The following CPVL variants were observed in gnomAD, a reference collection of about 807,000 sequenced individuals.
The protein encoded by CPVL is carboxypeptidase vitellogenic like, also known as probable serine carboxypeptidase CPVL.
A neutral mutation model predicts 63.7 loss-of-function variants in CPVL; 51 were observed. The ratio of observed to expected loss-of-function variants is 0.80; its 90% confidence interval spans 0.64 to 1.01. The LOEUF is 1.01. CPVL is among the 50% of genes least tolerant of loss of function. The pLI, the probability that CPVL is intolerant of heterozygous loss-of-function variation, is 0.00. For synonymous variants in CPVL, 195 were observed against 206.0 expected (o/e 0.95, Z 0.46); for missense variants, 530 against 573.1 (o/e 0.92, Z 0.77).
chr7:29,056,949 CT>C lies in CPVL; in HGVS notation c.1137+7111del, dbSNP rs70977101. Among the ~76,000 whole-genome samples, 1,105 of 118,026 alleles carry C rather than the reference CT, an allele frequency of 9.4e-3. 13 individuals carry two copies. The highest frequency in any genetic ancestry group is 0.029 in the African/African-American group (936 of 32,044). The allele number at this position is 118,026 out of a possible 152,430, so 77.4% of individuals were successfully genotyped here. A position where few individuals can be genotyped will look rare whatever the true frequency, so the allele number is the denominator to read the frequency against. ...ATGATGTTGAACATCTTTTCCTTTT[CT>C]TTTTTTTTTTTTTTTTTTGAGACAG... On this transcript the variant is annotated intron_variant, in intron 11 of 12. Coordinates refer to ENST00000265394, the MANE Select transcript of CPVL (RefSeq NM_031311.5).
chr7:29,095,126 G>T lies in CPVL; in HGVS notation c.420C>A (p.Phe140Leu). The T allele has an allele frequency of 6.2e-6, 10 of 1,613,940 alleles. No individual in the cohort carries two copies. The highest frequency in any genetic ancestry group is 8.5e-6 in the Non-Finnish European group (10 of 1,179,862). Residue 140 changes from phenylalanine to leucine, a missense_variant, in exon 5 of 13, where the codon TTC becomes TTA. Transcript: ENST00000265394. ...TSNMTLRDRD[F>L]PWTTTLSMLY... ...GCATGGAGAGCGTTGTGGTCCAGGG[G>T]AAGTCTCTGTCACGCACTGTGAAAA...
At chr7:29,035,892 C>T (rs1407686645) in intron 11 of CPVL, among the ~76,000 whole-genome samples, 2 of 152,190 alleles carry the variant, frequency 1.3e-5, no homozygotes, top group African/African-American at 4.8e-5. Context: ...AGGATAAGCA[C>T]ATTACCTAAG....
chr7:29,064,256 A>G, intron 10 of CPVL, 22 bp from the exon 11 acceptor site: 2 of 1,511,912 alleles, frequency 1.3e-6, no homozygotes, highest in South Asian at 1.1e-5. Flanking sequence ...GGCATTGGAA[A>G]GACATAGGGA....
chr7:29,172,830 G>A (rs1435248918), intron 5 of CPVL, among the ~76,000 whole-genome samples: 3 of 151,942 alleles, frequency 2.0e-5, no homozygotes, highest in African/African-American at 7.3e-5. Context: ...ATCTGGAGAA[G>A]CTTTTCTGCC....
rs1437692029 is a variant in CPVL at position 29,064,075 on chromosome 7, T to C, written c.1123A>G (p.Met375Val). Residue 375 changes from methionine (M) to valine (V), a missense_variant, in exon 11 of 13, where the codon ATG (methionine) becomes GTG (valine). Physicochemically the swap from Met to Val is conservative, Grantham distance 21. Coordinates refer to ENST00000265394, the MANE Select transcript of CPVL (RefSeq NM_031311.5). ...AGCTCTCTTACCTTATAATTATTCA[T>C]GATTTCAGTTAACCATGGCTTAACT... is the stretch of plus-strand genomic sequence containing the variant. ...QSVKPWLTEI[M>V]NNYKVLIYNG... 2 of 1,611,284 alleles carry C rather than the reference T, an allele frequency of 1.2e-6. No individual in the cohort carries two copies. Among genetic ancestry groups the C allele is most frequent in the African/African-American group, 1.3e-5 (1 of 74,958 alleles).
At chr7:29,080,704 C>T (rs1023009644) in intron 7 of CPVL, among the ~76,000 whole-genome samples, 41 of 152,058 alleles carry the variant, frequency 2.7e-4, no homozygotes, top group African/African-American at 8.5e-4. Flanking sequence ...ACAAACATGG[C>T]TCTCGCATAC....
chr7:29,168,539 A>G (rs1373118764), intron 5 of CPVL, among the ~76,000 whole-genome samples: 2 of 152,200 alleles, frequency 1.3e-5, no homozygotes, highest in Non-Finnish European at 2.9e-5. Context: ...AGAAAATGCC[A>G]GACATCCTAT....
chr7:29,184,243 T>G (rs1249816796), intron 4 of CPVL, among the ~76,000 whole-genome samples: 1 of 150,718 alleles, frequency 6.6e-6, no homozygotes, highest in Non-Finnish European at 1.5e-5. Context: ...GATATACATA[T>G]ACAATCTATA....
At chr7:29,022,116 C>G (rs1376828471) in intron 12 of CPVL, among the ~76,000 whole-genome samples, 2 of 152,168 alleles carry the variant, frequency 1.3e-5, no homozygotes, top group African/African-American at 4.8e-5. Flanking sequence ...AGCAGGGTGG[C>G]TGCACACCTG....
At chr7:29,044,794 G>C (rs1789457677) in intron 11 of CPVL, among the ~76,000 whole-genome samples, 1 of 152,152 alleles carries the variant, frequency 6.6e-6, no homozygotes, top group Non-Finnish European at 1.5e-5. Flanking sequence ...CATAGCAACT[G>C]AATTTAAATA....
At chr7:29,081,999 T>G (rs1010980986) in intron 7 of CPVL, among the ~76,000 whole-genome samples, 1 of 152,218 alleles carries the variant, frequency 6.6e-6, no homozygotes, top group Admixed American at 6.5e-5. Context: ...TGCATTTACA[T>G]TGAAAAGCAG....
chr7:29,152,812 A>G (rs1435340759), intron 5 of CPVL, among the ~76,000 whole-genome samples: 1 of 152,234 alleles, frequency 6.6e-6, no homozygotes, highest in Non-Finnish European at 1.5e-5. Flanking sequence ...ACAGGCAAGC[A>G]AAACAAAATA....
chr7:29,086,340 A>C (rs1785200589), intron 7 of CPVL, 144 bp downstream of exon 7: 1 of 511,592 alleles, frequency 2.0e-6, no homozygotes, highest in South Asian at 3.3e-5. Context: ...AATTGGGAGA[A>C]TTTTGAATAA....
At chr7:29,164,448 A>G (rs1333637318) in intron 5 of CPVL, among the ~76,000 whole-genome samples, 2 of 151,898 alleles carry the variant, frequency 1.3e-5, no homozygotes, top group African/African-American at 2.4e-5. Flanking sequence ...TTGCCTTTTC[A>G]TTTCCTCTTT....
chr7:29,030,085 C>G (rs1312344738), intron 12 of CPVL, among the ~76,000 whole-genome samples: 1 of 152,126 alleles, frequency 6.6e-6, no homozygotes, highest in African/African-American at 2.4e-5. Flanking sequence ...AACCATGATT[C>G]CAACACTTGA....
intron 4 of CPVL, chr7:29,184,296 A>G (rs540838870): frequency 6.6e-6 from 1 of 151,150 alleles, no homozygotes; most frequent in South Asian, 2.1e-4. Flanking sequence ...ATATTTAGGA[A>G]TATTATATAT....
intron 3 of CPVL, among the ~76,000 whole-genome samples, chr7:29,102,427 TG>T (rs112701019): frequency 0.051 from 7,717 of 152,156 alleles, 224 homozygotes; most frequent in East Asian, 0.14. Context: ...AGAAGGCCTC[TG>T]GTGGTAGGGT....
At chr7:29,112,166 T>C (rs1788301440) in intron 3 of CPVL, among the ~76,000 whole-genome samples, 2 of 152,196 alleles carry the variant, frequency 1.3e-5, no homozygotes, top group Non-Finnish European at 2.9e-5. Flanking sequence ...TAAAGATCCA[T>C]AGAGTCTGAG....
chr7:29,168,123 A>T (rs1481003700), intron 5 of CPVL, among the ~76,000 whole-genome samples: 1 of 152,168 alleles, frequency 6.6e-6, no homozygotes, highest in Non-Finnish European at 1.5e-5. Flanking sequence ...AGAATATCTC[A>T]TTGTGGTTTT....
Sources: gnomAD v4.1 joint callset for allele counts (sites outside exome capture counted in the v4.1 genomes callset) on GRCh38, gnomAD v4.1.1 for gene constraint, MANE v1.5 for transcripts, NCBI Gene and HGNC (gene_info 2026-07-23, HGNC 2026-07-21) for gene names.